The following PRKCE variants were observed in gnomAD, a reference collection of about 807,000 sequenced individuals.
PRKCE encodes protein kinase C epsilon.
PRKCE carries 16 observed loss-of-function variants against 85.4 expected under a neutral mutation model. The observed-to-expected ratio is 0.19, with a 90% CI of 0.13 to 0.28. The LOEUF is 0.28. Ranked by LOEUF, PRKCE falls within the 10% of genes least tolerant of loss-of-function variation. PRKCE has a pLI of 1.00. For synonymous variants in PRKCE, 388 were observed against 371.5 expected, an observed-to-expected ratio of 1.04 and a Z score of -0.51; for missense variants, 573 against 975.2, an observed-to-expected ratio of 0.59 and a Z score of 5.49.
At chr2:45,927,944 C>T (rs1405670857) in intron 2 of PRKCE, among the ~76,000 whole-genome samples, 1 of 151,912 alleles carries the variant, frequency 6.6e-6, no homozygotes, top group Non-Finnish European at 1.5e-5. Flanking sequence ...GGTGGGGGGG[C>T]CTGGGTGGTA....
At position 46,181,684 on chromosome 2, in the gene PRKCE, A is replaced by G. The variant is rs555076738; in HGVS notation, c.2068-3051A>G. 4.6e-5 allele frequency among the ~76,000 whole-genome samples: 7 copies of G among 152,324 alleles called. 1 individual carries two copies. The South Asian group carries it at 1.5e-3, about 32-fold the overall frequency. ...TGAAACCAGCTTCCATGATTAACAG[A>G]CACTAATGACCAACAGGTGAAACAC... On this transcript the variant is annotated intron_variant, in intron 14 of 14. Coordinates refer to ENST00000306156, the MANE Select transcript of PRKCE (RefSeq NM_005400.3).
At chr2:45,760,395 A>G (rs1684365493) in intron 1 of PRKCE, among the ~76,000 whole-genome samples, 1 of 152,186 alleles carries the variant, frequency 6.6e-6, no homozygotes, top group African/African-American at 2.4e-5. Context: ...TTGATCAGAA[A>G]GGGGAAAGTC....
At chr2:45,713,759 A>C (rs1450290701) in intron 1 of PRKCE, among the ~76,000 whole-genome samples, 1 of 152,194 alleles carries the variant, frequency 6.6e-6, no homozygotes, top group Non-Finnish European at 1.5e-5. Flanking sequence ...AACACCCCTG[A>C]AAAAGTGCAT....
At chr2:45,890,798 T>G (rs568342407) in intron 2 of PRKCE, among the ~76,000 whole-genome samples, 1 of 152,340 alleles carries the variant, frequency 6.6e-6, no homozygotes, top group Admixed American at 6.5e-5. Context: ...GTGCCTACCC[T>G]GCACAAGGCA....
chr2:46,100,792 A>C (rs1671137611), intron 11 of PRKCE, among the ~76,000 whole-genome samples: 1 of 152,240 alleles, frequency 6.6e-6, no homozygotes, highest in Non-Finnish European at 1.5e-5. Context: ...AGATGCCATG[A>C]CAAGGAAGAA....
chr2:45,687,685 T>C (rs144170513), intron 1 of PRKCE, among the ~76,000 whole-genome samples: 2,043 of 152,372 alleles, frequency 0.013, 47 homozygotes, highest in African/African-American at 0.046. Context: ...ATAGGGATTC[T>C]AGTTTCCTGA....
At chr2:45,935,807 T>G (rs535732503) in intron 2 of PRKCE, among the ~76,000 whole-genome samples, 1 of 150,782 alleles carries the variant, frequency 6.6e-6, no homozygotes, top group Admixed American at 6.6e-5. Flanking sequence ...AAATCGCAGC[T>G]TAGCTGAATT....
At chr2:45,660,267 G>A (rs540990595) in intron 1 of PRKCE, among the ~76,000 whole-genome samples, 4 of 152,282 alleles carry the variant, frequency 2.6e-5, no homozygotes, top group Non-Finnish European at 5.9e-5. Flanking sequence ...GTGAGGAGGA[G>A]GAGGAAGGAG....
chr2:45,796,378 C>A (rs576512746), intron 1 of PRKCE, among the ~76,000 whole-genome samples: 4 of 152,306 alleles, frequency 2.6e-5, no homozygotes, highest in Non-Finnish European at 4.4e-5. Context: ...ATAATTTCTA[C>A]TTCTTAGGGA....
intron 1 of PRKCE, among the ~76,000 whole-genome samples, chr2:45,754,228 CTG>C (rs1416394244): frequency 3.9e-5 from 6 of 152,180 alleles, no homozygotes; most frequent in Non-Finnish European, 8.8e-5. Flanking sequence ...GGAGACAGCT[CTG>C]TGCTGCTGAG....
intron 1 of PRKCE, among the ~76,000 whole-genome samples, chr2:45,657,286 C>T (rs1327428833): frequency 6.6e-6 from 1 of 151,648 alleles, no homozygotes; most frequent in African/African-American, 2.4e-5. Context: ...TCTGGAGTCA[C>T]ACTGCTTGGA....
intron 10 of PRKCE, among the ~76,000 whole-genome samples, chr2:46,055,108 C>T (rs1001799069): frequency 2.0e-5 from 3 of 152,182 alleles, no homozygotes; most frequent in African/African-American, 7.2e-5. Flanking sequence ...GGTATGCAGG[C>T]GCAAAAGGCC....
At chr2:45,915,536 T>C (rs530957033) in intron 2 of PRKCE, among the ~76,000 whole-genome samples, 1 of 152,310 alleles carries the variant, frequency 6.6e-6, no homozygotes, top group Non-Finnish European at 1.5e-5. Context: ...TTTGGGTCTT[T>C]CCAGGAGCAA....
Position 46,185,169 on chromosome 2 carries a change from C to A in PRKCE, c.*288C>A. ...GACCATTGGCAAGCCTGGTTCCACT[C>A]CTCAGGGGCTCCTGGCAGTGAAGCA... On this transcript the variant is annotated 3_prime_UTR_variant, in exon 15 of 15. Transcript: ENST00000306156. The surrounding 1 kb of genome is among the most constrained non-coding windows in gnomAD (Gnocchi z 4.7). The A allele has an allele frequency of 3.0e-6, 1 of 338,610 alleles. No homozygotes were observed. The highest frequency in any genetic ancestry group is 7.0e-5 in the South Asian group (1 of 14,288). The allele number at this position is 338,610 out of a possible 1,614,324, so 21.0% of individuals were successfully genotyped here.
chr2:46,123,310 A>C (rs1041766722), intron 11 of PRKCE, among the ~76,000 whole-genome samples: 4 of 141,398 alleles, frequency 2.8e-5, no homozygotes, highest in African/African-American at 1.1e-4. Flanking sequence ...TTAATATCTT[A>C]AACTATTCCC....
chr2:45,842,265 C>G (rs1691413706), intron 1 of PRKCE, among the ~76,000 whole-genome samples: 1 of 152,160 alleles, frequency 6.6e-6, no homozygotes, highest in Non-Finnish European at 1.5e-5. Context: ...TTTCTTACGC[C>G]TTGCATACCT....
intron 3 of PRKCE, among the ~76,000 whole-genome samples, chr2:45,977,384 C>T (rs1447228426): frequency 1.3e-5 from 2 of 152,012 alleles, no homozygotes; most frequent in African/African-American, 4.8e-5. Context: ...TGTCTATAAT[C>T]CCAGCACTTT....
chr2:45,751,268 A>G (rs1683537718), intron 1 of PRKCE, among the ~76,000 whole-genome samples: 1 of 152,194 alleles, frequency 6.6e-6, no homozygotes, highest in Non-Finnish European at 1.5e-5. Context: ...CATGACCGAG[A>G]TGATACACTG....
chr2:46,059,252 C>T (rs1666891509), intron 10 of PRKCE, among the ~76,000 whole-genome samples: 1 of 151,994 alleles, frequency 6.6e-6, no homozygotes, highest in African/African-American at 2.4e-5. Context: ...CGCGCCGTTG[C>T]ACTCCAGCCT....
Sources: gnomAD v4.1 joint callset for allele counts (sites outside exome capture counted in the v4.1 genomes callset) on GRCh38, gnomAD v4.1.1 for gene constraint, Gnocchi (gnomAD v3.1) non-coding constraint, MANE v1.5 for transcripts, NCBI Gene and HGNC (gene_info 2026-07-23, HGNC 2026-07-21) for gene names.